Variants in GNAI3 observed in about 807,000 individuals in gnomAD.
GNAI3 encodes G protein subunit alpha i3.
A neutral mutation model predicts 41.8 loss-of-function variants in GNAI3; 12 were observed. That is an observed-to-expected ratio of 0.29 (90% CI 0.18 to 0.47). The LOEUF (loss-of-function observed/expected upper bound fraction) is 0.47. Ranked by LOEUF, GNAI3 falls within the 20% of genes least tolerant of loss-of-function variation. The pLI, the probability that GNAI3 is intolerant of heterozygous loss-of-function variation, is 1.00. For synonymous variants in GNAI3, 132 were observed against 146.5 expected (o/e 0.90, Z 0.71); for missense variants, 360 against 429.6 (o/e 0.84, Z 1.43).
chr1:109,549,422 G>C (rs1276359859), intron 1 of GNAI3, among the ~76,000 whole-genome samples: 1 of 152,218 alleles, frequency 6.6e-6, no homozygotes, highest in Admixed American at 6.5e-5. Flanking sequence ...TGAGATAAAT[G>C]ACAAGTTATC....
In GNAI3 at chr1:109,577,599, C is replaced by T. The variant is rs190115410; in HGVS notation, c.304-1605C>T. On this transcript the variant is annotated intron_variant, in intron 3 of 8. Transcript: ENST00000369851. ...CAGCTAAGGTGTCTTAGAGTTGAGC[C>T]TAGTCTACCGCCATGCCACCCTGAA... Among the ~76,000 whole-genome samples, 778 of 152,144 alleles carry T rather than the reference C, an allele frequency of 5.1e-3. 6 individuals carry two copies. Among genetic ancestry groups the T allele is most frequent in the Non-Finnish European group, 6.6e-3 (450 of 67,986 alleles).
chr1:109,565,235 A>C (rs1338207205), intron 1 of GNAI3, among the ~76,000 whole-genome samples: 2 of 149,862 alleles, frequency 1.3e-5, no homozygotes, highest in African/African-American at 2.5e-5. Flanking sequence ...TGGGTGACAG[A>C]GTGAGACTCC....
In GNAI3 at chr1:109,598,792, G is replaced by T; in HGVS notation, c.*6470G>T. ...GTCTCCAGTGTCTTCTGACCTCACA[G>T]AAATGTTTTCATGCTTTTACCTAGC... On this transcript the variant is annotated 3_prime_UTR_variant, in exon 9 of 9. Transcript: ENST00000369851. 2.0e-6 allele frequency: 1 copy of T among 490,204 alleles called. No homozygotes were observed. The highest frequency in any genetic ancestry group is 2.0e-5 in the Admixed American group (1 of 49,844). 30.4% of individuals were successfully genotyped at this position (490,204 alleles called of 1,614,324 possible). A position where few individuals can be genotyped will look rare whatever the true frequency, so the allele number is the denominator to read the frequency against.
chr1:109,577,570 C>T (rs752034545), intron 3 of GNAI3, among the ~76,000 whole-genome samples: 2 of 152,070 alleles, frequency 1.3e-5, no homozygotes, highest in Non-Finnish European at 2.9e-5. Context: ...CCACCATGCC[C>T]GACCAGCTAA....
chr1:109,561,439 A>C (rs760247564), intron 1 of GNAI3, among the ~76,000 whole-genome samples: 1 of 152,332 alleles, frequency 6.6e-6, no homozygotes, highest in Middle Eastern at 3.4e-3. Context: ...AATGTTAACT[A>C]AACTTCACAT....
chr1:109,597,611 T>C lies in GNAI3; in HGVS notation c.*5289T>C, dbSNP rs1649340107. 6.6e-6 allele frequency: 1 copy of C among 152,158 alleles called. No individual in the cohort carries two copies. The highest frequency in any genetic ancestry group is 2.4e-5 in the African/African-American group (1 of 41,444). The allele number at this position is 152,158 out of a possible 1,614,324, so 9.4% of individuals were successfully genotyped here. A position where few individuals can be genotyped will look rare whatever the true frequency, so the allele number is the denominator to read the frequency against. On this transcript the variant is annotated 3_prime_UTR_variant, in exon 9 of 9. Transcript: ENST00000369851. The stretch of plus-strand genomic sequence containing the variant: ...AAAGTGCCTTCCACCAAGAAAATTA[T>C]TGAAAACTGTTGGGTCACATAACAT...
intron 1 of GNAI3, among the ~76,000 whole-genome samples, chr1:109,552,154 T>G (rs1485661056): frequency 6.7e-6 from 1 of 149,456 alleles, no homozygotes; most frequent in Admixed American, 6.6e-5. Flanking sequence ...AAAGTGAGAC[T>G]CTTTGTCTCA....
intron 1 of GNAI3, among the ~76,000 whole-genome samples, chr1:109,556,485 C>T (rs1648158283): frequency 6.6e-6 from 1 of 152,100 alleles, no homozygotes; most frequent in South Asian, 2.1e-4. Flanking sequence ...CTTTTGGTTC[C>T]TTTTTTAGAG....
chr1:109,562,087 T>G (rs1053211549), intron 1 of GNAI3, among the ~76,000 whole-genome samples: 2 of 152,176 alleles, frequency 1.3e-5, no homozygotes, highest in African/African-American at 4.8e-5. Flanking sequence ...CTGTATTATG[T>G]ATGTATGTGT....
At chr1:109,580,877 T>C (rs531377851) in intron 4 of GNAI3, among the ~76,000 whole-genome samples, 3 of 152,348 alleles carry the variant, frequency 2.0e-5, no homozygotes, top group African/African-American at 7.2e-5. Context: ...AAAACTTGCT[T>C]ATTCTTTCAA....
rs1649384531 is a variant in GNAI3, at chr1:109,599,043, G to C, written c.*6721G>C. 1 of 510,862 alleles carries C rather than the reference G, an allele frequency of 2.0e-6. No homozygotes were observed. The highest frequency in any genetic ancestry group is 1.9e-5 in the African/African-American group (1 of 51,582). The allele number at this position is 510,862 out of a possible 1,614,324, so 31.6% of individuals were successfully genotyped here. On this transcript the variant is annotated 3_prime_UTR_variant, in exon 9 of 9. Transcript: ENST00000369851. ...GCTGTTATGTCTCACCGTGGGGATGGGAAGGAATACTCTGTTTTGGACTAT... is the reference window on the plus strand; with the variant it reads ...GCTGTTATGTCTCACCGTGGGGATGCGAAGGAATACTCTGTTTTGGACTAT...
At chr1:109,558,186 G>A (rs1283886274) in intron 1 of GNAI3, among the ~76,000 whole-genome samples, 14 of 152,146 alleles carry the variant, frequency 9.2e-5, no homozygotes, top group Admixed American at 9.2e-4. Flanking sequence ...ACTTTGGGAG[G>A]CTGAGGTGGG....
chr1:109,567,279 T>G (rs1183501225), intron 1 of GNAI3, among the ~76,000 whole-genome samples: 1 of 152,190 alleles, frequency 6.6e-6, no homozygotes, highest in Non-Finnish European at 1.5e-5. Flanking sequence ...ATAATCCTGT[T>G]ATTAAAAATT....
chr1:109,587,470 T>G (rs1347732743), intron 7 of GNAI3, among the ~76,000 whole-genome samples: 1 of 152,208 alleles, frequency 6.6e-6, no homozygotes, highest in Non-Finnish European at 1.5e-5. Context: ...GTAGTCTTTT[T>G]CTAGAGCTAC....
At chr1:109,575,854 A>T (rs182563932) in intron 3 of GNAI3, among the ~76,000 whole-genome samples, 1 of 151,854 alleles carries the variant, frequency 6.6e-6, no homozygotes, top group Non-Finnish European at 1.5e-5. Context: ...TATCAAATCA[A>T]TTGTCATTAA....
intron 1 of GNAI3, 56 bp from the exon 2 acceptor site, chr1:109,573,681 T>C (rs1648664324): frequency 1.5e-6 from 2 of 1,371,950 alleles, no homozygotes; most frequent in African/African-American, 1.4e-5. Context: ...CATGTTGATA[T>C]TATACTTTTA....
At position 109,591,519 on chromosome 1, in the gene GNAI3, G is replaced by A. The variant is rs116631616; in HGVS notation, c.875-524G>A. 2.3e-3 allele frequency: 2,095 copies of A among 928,904 alleles called. 32 individuals are homozygous for A. The African/African-American group carries it at 0.031, about 14-fold the overall frequency. The allele number at this position is 928,904 out of a possible 1,614,324, so 57.5% of individuals were successfully genotyped here. ...ATATTATCTCCTTTTAGCATGATCC[G>A]ACCCAGTTGTTTTAAAAAATATGGA... On this transcript the variant is annotated intron_variant, in intron 7 of 8. Coordinates refer to ENST00000369851, the MANE Select transcript of GNAI3 (RefSeq NM_006496.4).
intron 1 of GNAI3, among the ~76,000 whole-genome samples, chr1:109,568,222 G>T (rs938826418): frequency 1.8e-4 from 27 of 152,068 alleles, no homozygotes; most frequent in African/African-American, 6.5e-4. Context: ...CCTGCTCAGA[G>T]ATCTTTTTAA....
In GNAI3 at chr1:109,550,573, G is replaced by A. The variant is rs868234847; in HGVS notation, c.118+1735G>A. On this transcript the variant is annotated intron_variant, in intron 1 of 8. Transcript: ENST00000369851. Reference sequence around the variant, plus strand: ...TTTTGAGACGGAGTCTCCCTCTGTTGCCTAGGCTGGAGTGCAGTGGCGCGA... The same window carrying A: ...TTTTGAGACGGAGTCTCCCTCTGTTACCTAGGCTGGAGTGCAGTGGCGCGA... Among the ~76,000 whole-genome samples the A allele has an allele frequency of 4.7e-4, 71 of 150,578 alleles. No individual in the cohort carries two copies. In the Middle Eastern group the frequency reaches 0.01, roughly 22 times the overall value.
Sources: allele counts gnomAD v4.1 joint callset (sites outside exome capture counted in the v4.1 genomes callset), GRCh38; gene constraint gnomAD v4.1.1; transcripts MANE v1.5; gene names NCBI Gene and HGNC (gene_info 2026-07-23, HGNC 2026-07-21).